The following PRKCZ variants were observed in gnomAD, a reference collection of about 807,000 sequenced individuals.
The protein encoded by PRKCZ is protein kinase C zeta, also known as protein kinase C zeta type.
PRKCZ carries 33 observed loss-of-function variants against 79.5 expected under a neutral mutation model. That is an observed-to-expected ratio of 0.41 (90% CI 0.31 to 0.55). The LOEUF is 0.55. Ranked by LOEUF, PRKCZ falls within the 20% of genes least tolerant of loss-of-function variation. PRKCZ has a pLI of 0.19. For missense variants in PRKCZ, 578 were observed against 813.5 expected (o/e 0.71, Z 3.52); for synonymous variants, 342 against 320.9 (o/e 1.07, Z -0.70).
chr1:2,054,153 A>G (rs1057100003), intron 1 of PRKCZ, among the ~76,000 whole-genome samples: 1 of 152,188 alleles, frequency 6.6e-6, no homozygotes, highest in Non-Finnish European at 1.5e-5. Context: ...ATGAATTCAG[A>G]TAACCTTGAT....
In PRKCZ at chr1:2,099,594, G is replaced by A. The variant is rs546466857; in HGVS notation, c.335-35668G>A. Among the ~76,000 whole-genome samples, 12 of 152,328 alleles carry A rather than the reference G, an allele frequency of 7.9e-5. No individual in the cohort carries two copies. The East Asian group carries it at 2.3e-3, about 29-fold the overall frequency. On this transcript the variant is annotated intron_variant, in intron 4 of 17. Transcript: ENST00000378567. Reference sequence around the variant, plus strand: ...GTACCCGGAGGGAGGGGGCAGCAAGGACCCTGTGGGCAGCCGGGGGCACGG... The same window carrying A: ...GTACCCGGAGGGAGGGGGCAGCAAGAACCCTGTGGGCAGCCGGGGGCACGG...
At chr1:2,102,838 C>A (rs547675276) in intron 4 of PRKCZ, among the ~76,000 whole-genome samples, 1 of 151,984 alleles carries the variant, frequency 6.6e-6, no homozygotes, top group African/African-American at 2.4e-5. Flanking sequence ...GGGGCCTTAC[C>A]CTTTGGACTC....
At position 2,177,134 on chromosome 1, in the gene PRKCZ, A is replaced by G. The variant is rs1343348006; in HGVS notation, c.1575+1821A>G. Among the ~76,000 whole-genome samples, 1 of 152,012 alleles carries G rather than the reference A, an allele frequency of 6.6e-6. No homozygotes were observed. The highest frequency in any genetic ancestry group is 2.4e-5 in the African/African-American group (1 of 41,380). The stretch of plus-strand genomic sequence containing the variant: ...CAGGCACCCCTGGCCTAGTGGGGTT[A>G]CTGGTGGCGTTCCCCTATCTCAGGC... On this transcript the variant is annotated intron_variant, in intron 16 of 17. Coordinates refer to ENST00000378567, the MANE Select transcript of PRKCZ (RefSeq NM_002744.6). The surrounding 1 kb of genome is among the most constrained non-coding windows in gnomAD (Gnocchi z 6.4).
At position 2,106,836 on chromosome 1, in the gene PRKCZ, C is replaced by T. The variant is rs796230006; in HGVS notation, c.335-28426C>T. Among the ~76,000 whole-genome samples the T allele has an allele frequency of 5.7e-3, 342 of 60,256 alleles. 2 individuals carry two copies. Among genetic ancestry groups the T allele is most frequent in the East Asian group, 0.013 (27 of 2,160 alleles). The allele number at this position is 60,256 out of a possible 152,430, so 39.5% of individuals were successfully genotyped here. On this transcript the variant is annotated intron_variant, in intron 4 of 17. Coordinates refer to ENST00000378567, the MANE Select transcript of PRKCZ (RefSeq NM_002744.6). Reference sequence around the variant, plus strand: ...CCCCTCTGGTGGGCGAGGACCTCCACACGTGTCACCAGGCCAGGCGACTCT... The same window carrying T: ...CCCCTCTGGTGGGCGAGGACCTCCATACGTGTCACCAGGCCAGGCGACTCT...
At position 2,103,918 on chromosome 1, in the gene PRKCZ, C is replaced by T. The variant is rs570277621; in HGVS notation, c.335-31344C>T. ...CCGTTTAAACACCTCCTGGCCTGGA[C>T]GCCAGCTGTTCACTTGTAATCACTG... On this transcript the variant is annotated intron_variant, in intron 4 of 17. Transcript: ENST00000378567. Among the ~76,000 whole-genome samples the T allele has an allele frequency of 2.6e-5, 4 of 152,330 alleles. No individual in the cohort carries two copies. The East Asian group carries it at 5.8e-4, about 22-fold the overall frequency.
rs1251104980 is a variant in PRKCZ at position 2,177,755 on chromosome 1, C to T, written c.1575+2442C>T. 2.0e-5 allele frequency among the ~76,000 whole-genome samples: 3 copies of T among 152,232 alleles called. No individual in the cohort carries two copies. The highest frequency in any genetic ancestry group is 4.4e-5 in the Non-Finnish European group (3 of 68,044). On this transcript the variant is annotated intron_variant, in intron 16 of 17. Transcript: ENST00000378567. The surrounding 1 kb of genome is among the most constrained non-coding windows in gnomAD (Gnocchi z 6.4). ...CTGGCTTCCCACCTGGGTCCCACCA[C>T]TGCAGAATCACCCCCGTGGCTGCCC... is the stretch of plus-strand genomic sequence containing the variant.
intron 6 of PRKCZ, chr1:2,144,564 A>AGGCTCAGGCATGGGGCATGG: frequency 1.4e-6 from 2 of 1,390,388 alleles, no homozygotes; most frequent in East Asian, 5.5e-5. Flanking sequence ...TTGGGGCATG[A>AGGCTCAGGCATGGGGCATGG]GGCTCAGGCA....
At chr1:2,121,674 G>A in intron 4 of PRKCZ, among the ~76,000 whole-genome samples, 1 of 142,486 alleles carries the variant, frequency 7.0e-6, no homozygotes, top group African/African-American at 2.8e-5. Flanking sequence ...GGTCGTGGTG[G>A]TGGTTAGGGT....
upstream of PRKCZ, among the ~76,000 whole-genome samples, chr1:2,048,823 G>C (rs1446445266): frequency 6.6e-6 from 1 of 152,204 alleles, no homozygotes; most frequent in African/African-American, 2.4e-5. Context: ...CCGGGGCCAG[G>C]GATGTGTGAG....
At chr1:2,132,402 C>T (rs72925854) in intron 4 of PRKCZ, among the ~76,000 whole-genome samples, 2 of 152,174 alleles carry the variant, frequency 1.3e-5, no homozygotes, top group Non-Finnish European at 2.9e-5. Flanking sequence ...CTGCCGGGCC[C>T]TAGGGGGAGC....
intron 4 of PRKCZ, among the ~76,000 whole-genome samples, chr1:2,092,691 A>G (rs1571308999): frequency 6.6e-6 from 1 of 152,230 alleles, no homozygotes; most frequent in Non-Finnish European, 1.5e-5. Flanking sequence ...CTGTTTTTGT[A>G]CAAAGGGAGC....
At chr1:2,057,825 C>G (rs1333525790) in intron 3 of PRKCZ, among the ~76,000 whole-genome samples, 1 of 152,154 alleles carries the variant, frequency 6.6e-6, no homozygotes, top group East Asian at 1.9e-4. Flanking sequence ...CTGCCTCAGC[C>G]TCCCGAGTAG....
chr1:2,095,075 G>A (rs1049962214), intron 4 of PRKCZ, among the ~76,000 whole-genome samples: 2 of 152,182 alleles, frequency 1.3e-5, no homozygotes, highest in Admixed American at 1.3e-4. Context: ...GCAGGGTGGT[G>A]GTTTGGGCAG....
At position 2,144,360 on chromosome 1, in the gene PRKCZ, G is replaced by C; in HGVS notation, c.552+19G>C. On this transcript the variant is annotated intron_variant, in intron 6 of 17. Transcript: ENST00000378567. ...GCATATGGTGAGTGGCAGGGCTGGG[G>C]AGGCCCGGGGGGCACGGGCGGGGTC... The C allele has an allele frequency of 6.4e-7, 1 of 1,561,294 alleles. No individual in the cohort carries two copies. The highest frequency in any genetic ancestry group is 8.7e-7 in the Non-Finnish European group (1 of 1,151,886).
chr1:2,129,449 G>A (rs745376643), intron 4 of PRKCZ, among the ~76,000 whole-genome samples: 23 of 152,188 alleles, frequency 1.5e-4, no homozygotes, highest in South Asian at 1.0e-3. Flanking sequence ...GAGGCAAGAC[G>A]GTGACACGTG....
intron 4 of PRKCZ, among the ~76,000 whole-genome samples, chr1:2,069,217 G>C (rs930038503): frequency 6.6e-6 from 1 of 152,142 alleles, no homozygotes; most frequent in African/African-American, 2.4e-5. Flanking sequence ...TTGAAACTGA[G>C]ATCCTCTAGC....
intron 4 of PRKCZ, among the ~76,000 whole-genome samples, chr1:2,102,285 T>G (rs1467563322): frequency 4.0e-5 from 6 of 151,794 alleles, no homozygotes; most frequent in African/African-American, 1.5e-4. Context: ...GTGTGGGCTT[T>G]GTGAAGCCTA....
At chr1:2,110,039 G>A (rs1439954989) in intron 4 of PRKCZ, among the ~76,000 whole-genome samples, 3 of 151,904 alleles carry the variant, frequency 2.0e-5, no homozygotes, top group Non-Finnish European at 4.4e-5. Context: ...CTCCCTGGGG[G>A]CAGCCAAGGA....
At chr1:2,091,839 G>C (rs1160817119) in intron 4 of PRKCZ, among the ~76,000 whole-genome samples, 1 of 152,230 alleles carries the variant, frequency 6.6e-6, no homozygotes, top group East Asian at 1.9e-4. Context: ...GACCCCAGGC[G>C]GGAGGACAGA....
Sources: gnomAD v4.1 joint callset for allele counts (sites outside exome capture counted in the v4.1 genomes callset) on GRCh38, gnomAD v4.1.1 for gene constraint, Gnocchi (gnomAD v3.1) non-coding constraint, MANE v1.5 for transcripts, NCBI Gene and HGNC (gene_info 2026-07-23, HGNC 2026-07-21) for gene names.